Variants in EDIL3 observed in about 807,000 individuals in gnomAD.
EDIL3 encodes EGF-like repeat and discoidin I-like domain-containing protein 3.
EDIL3 carries 37 observed loss-of-function variants against 67.4 expected under a neutral mutation model. That is an observed-to-expected ratio of 0.55 (90% CI 0.42 to 0.72). The LOEUF is 0.72. Ranked by LOEUF, EDIL3 falls within the 30% of genes least tolerant of loss-of-function variation. EDIL3 has a pLI of 0.00. For missense variants in EDIL3, 527 were observed against 586.3 expected (o/e 0.90, Z 1.04); for synonymous variants, 195 against 196.3 (o/e 0.99, Z 0.05).
At chr5:84,099,614 A>T (rs200035823) in intron 6 of EDIL3, among the ~76,000 whole-genome samples, 3 of 151,890 alleles carry the variant, frequency 2.0e-5, no homozygotes, top group South Asian at 4.1e-4. Context: ...AGACCTTAAA[A>T]CCATAAAAAT....
chr5:83,963,655 GTTT>G (rs10708401), intron 9 of EDIL3, among the ~76,000 whole-genome samples: 2 of 133,118 alleles, frequency 1.5e-5, no homozygotes, highest in Non-Finnish European at 3.2e-5. Flanking sequence ...ATTTGTGCAG[GTTT>G]TTTTTTTTTT....
At chr5:84,204,267 T>G (rs1035254331) in intron 3 of EDIL3, among the ~76,000 whole-genome samples, 1 of 152,316 alleles carries the variant, frequency 6.6e-6, no homozygotes, top group East Asian at 1.9e-4. Context: ...CTTCAGGGAA[T>G]AATGTCCACT....
rs949074181 is a variant in EDIL3, at chr5:84,384,492, C to A, written c.-118G>T. The A allele has an allele frequency of 3.2e-6, 3 of 936,922 alleles. No individual in the cohort carries two copies. Among genetic ancestry groups the A allele is most frequent in the Non-Finnish European group, 4.9e-6 (3 of 609,748 alleles). The allele number at this position is 936,922 out of a possible 1,614,324, so 58.0% of individuals were successfully genotyped here. On this transcript the variant is annotated 5_prime_UTR_variant, in exon 1 of 11. Coordinates refer to ENST00000296591, the MANE Select transcript of EDIL3 (RefSeq NM_005711.5). ...GCCCCTACTAAAGAATTCAAGAAGACGTTCTCTTTCCTCAGCGCTTTGTTA... is the reference window on the plus strand; with the variant it reads ...GCCCCTACTAAAGAATTCAAGAAGAAGTTCTCTTTCCTCAGCGCTTTGTTA...
intron 1 of EDIL3, among the ~76,000 whole-genome samples, chr5:84,311,612 G>A (rs1334274179): frequency 6.6e-6 from 1 of 151,786 alleles, no homozygotes; most frequent in African/African-American, 2.4e-5. Context: ...CACAGAGGGG[G>A]ATTTGGCAGG....
intron 9 of EDIL3, among the ~76,000 whole-genome samples, chr5:84,050,188 A>T (rs1204612889): frequency 7.5e-6 from 1 of 132,964 alleles, no homozygotes; most frequent in Non-Finnish European, 1.6e-5. Context: ...ACAGAGCGAA[A>T]CTCCATCTCA....
rs73134295 is a variant in EDIL3, at chr5:84,084,954, C to G, written c.652-18348G>C. On this transcript the variant is annotated intron_variant, in intron 6 of 10. Coordinates refer to ENST00000296591, the MANE Select transcript of EDIL3 (RefSeq NM_005711.5). Reference sequence around the variant, plus strand: ...CTACAGTTCAATTAAAAAAATTCACCTTGCATTGTAATTTACCTTGAATTA... The same window carrying G: ...CTACAGTTCAATTAAAAAAATTCACGTTGCATTGTAATTTACCTTGAATTA... 6.1e-3 allele frequency among the ~76,000 whole-genome samples: 929 copies of G among 152,248 alleles called. 15 individuals carry two copies. Among genetic ancestry groups the G allele is most frequent in the African/African-American group, 0.021 (888 of 41,540 alleles).
In EDIL3 at chr5:84,115,799, TAGGAA is replaced by T; in HGVS notation, c.470-8974_470-8970del. ...CTTTCTGACAAAACATATATCTACA[TAGGAA>T]AGAGCTAAGAAGGGTATAATGCCAA... is the stretch of plus-strand genomic sequence containing the variant. On this transcript the variant is annotated intron_variant, in intron 5 of 10. Transcript: ENST00000296591. Among the ~76,000 whole-genome samples the T allele has an allele frequency of 2.6e-5, 4 of 152,278 alleles. No homozygotes were observed. In the East Asian group the frequency reaches 7.7e-4, roughly 29 times the overall value.
chr5:84,290,870 G>A (rs777292686), intron 1 of EDIL3, among the ~76,000 whole-genome samples: 1 of 152,128 alleles, frequency 6.6e-6, no homozygotes, highest in Non-Finnish European at 1.5e-5. Flanking sequence ...TCCTAAGAGT[G>A]CAGAGGTAGA....
In EDIL3 at chr5:84,106,516, T is replaced by G. The variant is rs1747465364; in HGVS notation, c.651+133A>C. On this transcript the variant is annotated intron_variant, in intron 6 of 10. Transcript: ENST00000296591. ...CTCAGAATTGGGAGCTAATTTGAAC[T>G]CTTCACTAAATTACCCTTTCCTCTG... is the stretch of plus-strand genomic sequence containing the variant. The G allele has an allele frequency of 2.7e-6, 3 of 1,099,940 alleles. No homozygotes were observed. In the Admixed American group the frequency reaches 9.8e-5, roughly 36 times the overall value. 68.1% of individuals were successfully genotyped at this position (1,099,940 alleles called of 1,614,324 possible). A position where few individuals can be genotyped will look rare whatever the true frequency, so the allele number is the denominator to read the frequency against.
chr5:84,172,721 G>A (rs1327220119), intron 4 of EDIL3, among the ~76,000 whole-genome samples: 1 of 152,164 alleles, frequency 6.6e-6, no homozygotes, highest in Non-Finnish European at 1.5e-5. Flanking sequence ...CTGTACACCA[G>A]GTATTTGGTA....
At chr5:83,990,870 ACT>A (rs1189202784) in intron 9 of EDIL3, among the ~76,000 whole-genome samples, 2 of 145,244 alleles carry the variant, frequency 1.4e-5, no homozygotes, top group African/African-American at 5.2e-5. Context: ...ACAGAGAAAG[ACT>A]CTGTCTCAAT....
intron 1 of EDIL3, among the ~76,000 whole-genome samples, chr5:84,358,092 C>A (rs1747524096): frequency 6.6e-6 from 1 of 152,096 alleles, no homozygotes; most frequent in South Asian, 2.1e-4. Flanking sequence ...GAGTCTTCTG[C>A]ACATCCAAAA....
At chr5:84,174,400 C>T (rs761106111) in intron 4 of EDIL3, among the ~76,000 whole-genome samples, 78 of 152,164 alleles carry the variant, frequency 5.1e-4, no homozygotes, top group Non-Finnish European at 8.5e-4. Flanking sequence ...GAGTGGAATA[C>T]ACTCTCATAT....
intron 1 of EDIL3, among the ~76,000 whole-genome samples, chr5:84,311,324 CTTT>C (rs58965080): frequency 4.7e-5 from 5 of 105,540 alleles, no homozygotes; most frequent in Non-Finnish European, 6.3e-5. Flanking sequence ...TTTTTTTTTT[CTTT>C]TTTTTTTTTT....
chr5:84,376,866 T>C (rs960689123), intron 1 of EDIL3, among the ~76,000 whole-genome samples: 10 of 152,194 alleles, frequency 6.6e-5, no homozygotes, highest in African/African-American at 2.4e-4. Context: ...TATATAAACA[T>C]TAAAGCACTG....
At chr5:84,014,811 T>G (rs1745572250) in intron 9 of EDIL3, among the ~76,000 whole-genome samples, 1 of 152,092 alleles carries the variant, frequency 6.6e-6, no homozygotes, top group Non-Finnish European at 1.5e-5. Context: ...ACTAAGAAAA[T>G]TAATTCTTTG....
chr5:84,073,875 A>C (rs1746797686), intron 6 of EDIL3, among the ~76,000 whole-genome samples: 1 of 152,166 alleles, frequency 6.6e-6, no homozygotes. Flanking sequence ...ACCAAAAAAG[A>C]GCCTGCATTG....
chr5:83,975,737 A>G (rs1167445583), intron 9 of EDIL3, among the ~76,000 whole-genome samples: 2 of 151,922 alleles, frequency 1.3e-5, no homozygotes, highest in Non-Finnish European at 2.9e-5. Flanking sequence ...TGAAGTTGAA[A>G]CACTGTTTTA....
At chr5:84,032,886 G>A (rs982863025) in intron 9 of EDIL3, among the ~76,000 whole-genome samples, 12 of 152,192 alleles carry the variant, frequency 7.9e-5, no homozygotes, top group African/African-American at 2.4e-4. Context: ...TATGACCAGA[G>A]AGTGGTTGAG....
Sources: allele counts gnomAD v4.1 joint callset (sites outside exome capture counted in the v4.1 genomes callset), GRCh38; gene constraint gnomAD v4.1.1; transcripts MANE v1.5; gene names NCBI Gene and HGNC (gene_info 2026-07-23, HGNC 2026-07-21).